Variants in GRIN2A observed in about 807,000 individuals in gnomAD.
GRIN2A encodes glutamate ionotropic receptor NMDA type subunit 2A.
GRIN2A carries 22 observed loss-of-function variants against 113.4 expected under a neutral mutation model. The ratio of observed to expected loss-of-function variants is 0.19; its 90% CI spans 0.14 to 0.28. GRIN2A has a LOEUF of 0.28. Ranked by LOEUF, GRIN2A falls within the 10% of genes least tolerant of loss-of-function variation. The pLI is 1.00. For missense variants in GRIN2A, 1,502 were observed against 1,887.0 expected (o/e 0.80, Z 3.78); for synonymous variants, 827 against 738.4 (o/e 1.12, Z -1.94).
At chr16:10,078,034 G>A (rs2047910252) in intron 2 of GRIN2A, among the ~76,000 whole-genome samples, 1 of 152,150 alleles carries the variant, frequency 6.6e-6, no homozygotes, top group Non-Finnish European at 1.5e-5. Flanking sequence ...TGCGGTTGTG[G>A]TAAGGGCTGA....
chr16:9,762,172 A>G lies in GRIN2A; in HGVS notation c.*977T>C. 1 of 218,842 alleles carries G rather than the reference A, an allele frequency of 4.6e-6. No individual in the cohort carries two copies. Among genetic ancestry groups the G allele is most frequent in the Non-Finnish European group, 9.2e-6 (1 of 108,636 alleles). The allele number at this position is 218,842 out of a possible 1,614,324, so 13.6% of individuals were successfully genotyped here. A position where few individuals can be genotyped will look rare whatever the true frequency, so the allele number is the denominator to read the frequency against. On this transcript the variant is annotated 3_prime_UTR_variant, in exon 13 of 13. Coordinates refer to ENST00000330684, the MANE Select transcript of GRIN2A (RefSeq NM_001134407.3). ...GATACACAGCTAATTGGACACCACC[A>G]TGGCTGTTTGGAAACGGAACGAGTT...
At chr16:9,862,645 G>C (rs988012836) in intron 4 of GRIN2A, among the ~76,000 whole-genome samples, 1 of 152,184 alleles carries the variant, frequency 6.6e-6, no homozygotes, top group Non-Finnish European at 1.5e-5. Context: ...AAAGATAGGA[G>C]TCCTATTTCT....
At chr16:10,014,047 A>G (rs72774065) in intron 2 of GRIN2A, among the ~76,000 whole-genome samples, 1 of 152,304 alleles carries the variant, frequency 6.6e-6, no homozygotes, top group Non-Finnish European at 1.5e-5. Flanking sequence ...TCGTTATTTG[A>G]TGCCTGTGTC....
intron 12 of GRIN2A, among the ~76,000 whole-genome samples, chr16:9,766,478 T>C (rs1192621438): frequency 6.6e-6 from 1 of 152,224 alleles, no homozygotes; most frequent in Non-Finnish European, 1.5e-5. Flanking sequence ...CCAGGCTTCA[T>C]GGTTGGTGAA....
At chr16:10,050,614 C>CTGATTCTACATTATGATTCTACATAA (rs1379050790) in intron 2 of GRIN2A, among the ~76,000 whole-genome samples, 5 of 151,906 alleles carry the variant, frequency 3.3e-5, no homozygotes, top group Non-Finnish European at 7.4e-5. Context: ...AGGGCTCCCA[C>CTGATTCTACATTATGATTCTACATAA]TGATTCTACA....
chr16:10,107,444 C>A (rs1325529040), intron 2 of GRIN2A, among the ~76,000 whole-genome samples: 1 of 152,188 alleles, frequency 6.6e-6, no homozygotes, highest in Non-Finnish European at 1.5e-5. Flanking sequence ...CAGGTAGTTG[C>A]ATGAGGAGTA....
At chr16:9,919,929 A>G (rs1322809835) in intron 3 of GRIN2A, among the ~76,000 whole-genome samples, 2 of 152,194 alleles carry the variant, frequency 1.3e-5, no homozygotes, top group African/African-American at 4.8e-5. Context: ...CATTCACTTC[A>G]TCCAGGTATC....
intron 2 of GRIN2A, among the ~76,000 whole-genome samples, chr16:10,134,207 A>T: frequency 7.9e-6 from 1 of 126,494 alleles, no homozygotes; most frequent in Admixed American, 8.7e-5. Context: ...AAAAAAAAAA[A>T]AAAAAAAAAA....
intron 2 of GRIN2A, among the ~76,000 whole-genome samples, chr16:10,033,291 T>C (rs999125815): frequency 2.7e-4 from 41 of 152,202 alleles, no homozygotes; most frequent in African/African-American, 9.7e-4. Context: ...ACAAACACTG[T>C]AGAGCTTTGG....
At chr16:9,934,678 T>TTA (rs1555455124) in intron 3 of GRIN2A, among the ~76,000 whole-genome samples, 1,122 of 50,944 alleles carry the variant, frequency 0.022, 78 homozygotes, top group Non-Finnish European at 0.029. Context: ...AGACTCTGTC[T>TTA]AAAAAAAAAA....
intron 5 of GRIN2A, among the ~76,000 whole-genome samples, chr16:9,843,537 C>T (rs1310122942): frequency 6.6e-6 from 1 of 152,198 alleles, no homozygotes; most frequent in African/African-American, 2.4e-5. Context: ...TTGTAAATGA[C>T]ACCTGCTTAT....
chr16:10,054,814 G>A (rs762277869), intron 2 of GRIN2A, among the ~76,000 whole-genome samples: 1 of 151,956 alleles, frequency 6.6e-6, no homozygotes, highest in East Asian at 1.9e-4. Context: ...TTGGGAGGCC[G>A]AGGTGGGCGG....
intron 4 of GRIN2A, among the ~76,000 whole-genome samples, chr16:9,856,169 C>T (rs74857180): frequency 0.039 from 5,945 of 152,140 alleles, 146 homozygotes; most frequent in African/African-American, 0.069. Flanking sequence ...ATGAGGAAAC[C>T]AGGGCTTAAA....
chr16:9,969,415 G>T (rs547506813), intron 2 of GRIN2A, among the ~76,000 whole-genome samples: 2 of 152,220 alleles, frequency 1.3e-5, no homozygotes, highest in African/African-American at 4.8e-5. Flanking sequence ...TGCATCCATT[G>T]TTCCTCACTG....
intron 10 of GRIN2A, among the ~76,000 whole-genome samples, chr16:9,808,029 CT>C (rs913979898): frequency 2.6e-5 from 4 of 152,190 alleles, no homozygotes; most frequent in Non-Finnish European, 5.9e-5. Flanking sequence ...GAATGCTACT[CT>C]TTATAGAGCT....
Position 9,796,923 on chromosome 16 carries a change from T to C in GRIN2A, c.2356+1354A>G, listed in dbSNP as rs115871747. ...AACATGGCCAGTGATCTGAGGAAGGTACAAATGCCCTATGGAGAATTCAAA... is the reference window on the plus strand; with the variant it reads ...AACATGGCCAGTGATCTGAGGAAGGCACAAATGCCCTATGGAGAATTCAAA... On this transcript the variant is annotated intron_variant, in intron 11 of 12. Transcript: ENST00000330684. 2.4e-3 allele frequency among the ~76,000 whole-genome samples: 363 copies of C among 152,340 alleles called. 5 individuals carry two copies. Among genetic ancestry groups the C allele is most frequent in the African/African-American group, 8.4e-3 (351 of 41,576 alleles).
intron 2 of GRIN2A, among the ~76,000 whole-genome samples, chr16:10,172,532 T>G (rs571407169): frequency 1.3e-5 from 2 of 152,284 alleles, no homozygotes; most frequent in African/African-American, 2.4e-5. Context: ...TGAAGTGAAG[T>G]GAAGTGAAGT....
Position 9,764,103 on chromosome 16 carries a change from G to A in GRIN2A, c.3441C>T (p.Phe1147=), listed in dbSNP as rs1455176676. The A allele has an allele frequency of 2.5e-6, 4 of 1,613,702 alleles. No homozygotes were observed. In the African/African-American group the frequency reaches 5.3e-5, roughly 22 times the overall value. ...ENVTLPENVD[F]PDPYQDPSEN... is the part of the protein sequence containing the mutation. ...CACTGGGATCCTGGTAGGGGTCCGG[G>A]AAGTCCACGTTCTCGGGCAGGGTCA... is the stretch of plus-strand genomic sequence containing the variant. The change falls in exon 13 of 13, where the codon TTC becomes TTT. Residue 1147 remains phenylalanine, a synonymous_variant. Transcript: ENST00000330684.
intron 12 of GRIN2A, among the ~76,000 whole-genome samples, chr16:9,768,015 GCT>G (rs1214489450): frequency 6.6e-6 from 1 of 152,140 alleles, no homozygotes; most frequent in Non-Finnish European, 1.5e-5. Context: ...CCACAGGCTG[GCT>G]CTGTCTGGCC....
Sources: gnomAD v4.1 joint callset for allele counts (sites outside exome capture counted in the v4.1 genomes callset) on GRCh38, gnomAD v4.1.1 for gene constraint, MANE v1.5 for transcripts, NCBI Gene and HGNC (gene_info 2026-07-23, HGNC 2026-07-21) for gene names.